LTF: variants seen among roughly 807,000 people sequenced by gnomAD.
The protein encoded by LTF is lactotransferrin.
LTF carries 91 observed loss-of-function variants against 87.2 expected under a neutral mutation model. The observed-to-expected ratio is 1.04, with a 90% CI of 0.88 to 1.24. The LOEUF (loss-of-function observed/expected upper bound fraction) is 1.24, where lower values mean the gene tolerates loss of function less well. Ranked by LOEUF, LTF falls within the 50% of genes most tolerant of loss-of-function variation. LTF has a pLI of 0.00. For synonymous variants in LTF, 378 were observed against 356.1 expected, an observed-to-expected ratio of 1.06 and a Z score of -0.69; for missense variants, 901 against 904.3, an observed-to-expected ratio of 1.00 and a Z score of 0.05.
At chr3:46,449,742 C>A in intron 8 of LTF, 112 bp downstream of exon 8, 2 of 1,149,806 alleles carry the variant, frequency 1.7e-6, no homozygotes, top group Non-Finnish European at 2.5e-6. Flanking sequence ...CAAACCTCCA[C>A]GATGACCCCA....
At position 46,454,299 on chromosome 3, in the gene LTF, T is replaced by A. The variant is rs749253226; in HGVS notation, c.703+6A>T. ...CAGTACCCACGGCTCATTACCCTGC[T>A]CTTACCAAACACTGTGCTCTCTCTG... is the stretch of plus-strand genomic sequence containing the variant. On this transcript the variant is annotated splice_donor_region_variant and intron_variant, in intron 6 of 16. Coordinates refer to ENST00000231751, the MANE Select transcript of LTF (RefSeq NM_002343.6). 5 of 1,613,896 alleles carry A rather than the reference T, an allele frequency of 3.1e-6. No individual in the cohort carries two copies. Among genetic ancestry groups the A allele is most frequent in the Middle Eastern group, 1.6e-4 (1 of 6,084 alleles).
At chr3:46,473,133 C>A (rs544716277) in intron 1 of LTF, among the ~76,000 whole-genome samples, 1 of 151,974 alleles carries the variant, frequency 6.6e-6, no homozygotes, top group Non-Finnish European at 1.5e-5. Context: ...CTCTCCTGAC[C>A]CTCATCTCCC....
chr3:46,454,682 C>T (rs1702882671), intron 5 of LTF, among the ~76,000 whole-genome samples: 1 of 152,242 alleles, frequency 6.6e-6, no homozygotes, highest in Admixed American at 6.5e-5. Context: ...CTGTTTTCCT[C>T]AGGACTGAGT....
intron 12 of LTF, 21 bp from the exon 13 acceptor site, chr3:46,443,603 G>A (rs1193886341): frequency 1.4e-5 from 23 of 1,613,416 alleles, no homozygotes; most frequent in Non-Finnish European, 1.8e-5. Context: ...GGAACACGGG[G>A]AGTCAGCTCT....
At chr3:46,483,728 T>C (rs1201376433) in intron 1 of LTF, among the ~76,000 whole-genome samples, 1 of 152,180 alleles carries the variant, frequency 6.6e-6, no homozygotes. Flanking sequence ...TTGTGATAAC[T>C]CATCTAGCTA....
intron 5 of LTF, 107 bp from the exon 6 acceptor site, chr3:46,454,467 A>C: frequency 2.0e-6 from 2 of 989,096 alleles, no homozygotes; most frequent in Non-Finnish European, 3.3e-6. Flanking sequence ...TACTCCCTGC[A>C]GGGCAGGGCT....
chr3:46,463,776 G>T (rs6441996), intron 1 of LTF: 8 of 323,792 alleles, frequency 2.5e-5, no homozygotes, highest in Non-Finnish European at 3.1e-5. Context: ...GAGCTTGAGG[G>T]GAAGAGAACA....
At chr3:46,454,798 G>A (rs557333127) in intron 5 of LTF, among the ~76,000 whole-genome samples, 1 of 152,150 alleles carries the variant, frequency 6.6e-6, no homozygotes, top group Non-Finnish European at 1.5e-5. Flanking sequence ...GCCTCCGCGT[G>A]GGGGCAGAGA....
At chr3:46,458,526 G>A (rs1285038706) in intron 2 of LTF, among the ~76,000 whole-genome samples, 1 of 152,204 alleles carries the variant, frequency 6.6e-6, no homozygotes, top group Admixed American at 6.5e-5. Context: ...ATAGAGCCTA[G>A]GAATCTGCAT....
chr3:46,449,982 G>A lies in LTF; in HGVS notation c.929C>T (p.Ser310Phe). The A allele has an allele frequency of 6.2e-7, 1 of 1,610,826 alleles. No homozygotes were observed. The highest frequency in any genetic ancestry group is 8.5e-7 in the Non-Finnish European group (1 of 1,178,612). ...DKSPKFQLFG[S>F]PSGQKDLLFK... ...CAGCAGATCTTTCTGCCCACTAGGG[G>A]AGCCAAAGAGCTGGAATTTCGGTGA... Residue 310 changes from serine to phenylalanine, a missense_variant, in exon 8 of 17, where the codon TCC becomes TTC. Ser to Phe is a radical substitution (Grantham distance 155). Transcript: ENST00000231751.
chr3:46,450,885 T>C (rs972885909), intron 6 of LTF, among the ~76,000 whole-genome samples: 17 of 152,092 alleles, frequency 1.1e-4, no homozygotes, highest in African/African-American at 4.1e-4. Flanking sequence ...GTGATCCTCA[T>C]CCTAAATCAC....
intron 5 of LTF, among the ~76,000 whole-genome samples, chr3:46,454,748 C>A (rs887542671): frequency 6.6e-6 from 1 of 152,108 alleles, no homozygotes; most frequent in African/African-American, 2.4e-5. Context: ...TGCAAAAATA[C>A]GCTAGTGCCA....
At chr3:46,464,996 C>T (rs1703180120), upstream of LTF, 1 of 883,394 alleles carries the variant, frequency 1.1e-6, no homozygotes, top group Admixed American at 2.5e-5. Context: ...CTCCCCGCGG[C>T]CAGGTCTACT....
chr3:46,477,892 T>A (rs1173977767), intron 1 of LTF, among the ~76,000 whole-genome samples: 2 of 152,188 alleles, frequency 1.3e-5, no homozygotes, highest in Non-Finnish European at 2.9e-5. Context: ...GCGGCTCCAG[T>A]TGAGTCACAA....
chr3:46,438,977 G>T (rs1239744734), intron 15 of LTF, among the ~76,000 whole-genome samples: 1 of 152,092 alleles, frequency 6.6e-6, no homozygotes, highest in African/African-American at 2.4e-5. Context: ...TGGGAGGAAG[G>T]CTCAGTGGCT....
chr3:46,461,101 G>A (rs544835874), intron 1 of LTF, among the ~76,000 whole-genome samples: 9 of 152,296 alleles, frequency 5.9e-5, no homozygotes, highest in Middle Eastern at 3.4e-3. Context: ...AAAATGCAAC[G>A]AAATATCATT....
At position 46,443,495 on chromosome 3, in the gene LTF, T is replaced by C; in HGVS notation, c.1601A>G (p.Asn534Ser). ...ALCIGDEQGE[N>S]KCVPNSNERY... ...CTCGTTGCTGTTGGGCACGCACTTATTCTCACCCTGCTCGTCGCCAATACA... is the reference window on the plus strand; with the variant it reads ...CTCGTTGCTGTTGGGCACGCACTTACTCTCACCCTGCTCGTCGCCAATACA... The change falls in exon 13 of 17, where the codon AAT (asparagine) becomes AGT (serine). Residue 534 changes from asparagine (N) to serine (S), a missense_variant. Asn to Ser is a conservative substitution (Grantham distance 46). Transcript: ENST00000231751. 6.2e-7 allele frequency: 1 copy of C among 1,614,210 alleles called. No individual in the cohort carries two copies. The highest frequency in any genetic ancestry group is 1.3e-5 in the African/African-American group (1 of 75,042).
In LTF at chr3:46,455,782, C is replaced by G; in HGVS notation, c.499+14G>C. The G allele has an allele frequency of 6.4e-7, 1 of 1,550,758 alleles. No individual in the cohort carries two copies. Among genetic ancestry groups the G allele is most frequent in the Non-Finnish European group, 8.7e-7 (1 of 1,148,824 alleles). On this transcript the variant is annotated intron_variant, in intron 4 of 16. Coordinates refer to ENST00000231751, the MANE Select transcript of LTF (RefSeq NM_002343.6). Reference sequence around the variant, plus strand: ...CCCTGCCTGAGGCCACTCACTATCCCCCAGCCATCTTACCTGCCTCAATGG... The same window carrying G: ...CCCTGCCTGAGGCCACTCACTATCCGCCAGCCATCTTACCTGCCTCAATGG...
intron 1 of LTF, among the ~76,000 whole-genome samples, chr3:46,479,824 G>A (rs34306326): frequency 0.2 from 30,208 of 152,176 alleles, 3,130 homozygotes; most frequent in East Asian, 0.3. Context: ...CACTGCGCCC[G>A]GCCAGAAGTG....
Sources: gnomAD v4.1 joint callset for allele counts (sites outside exome capture counted in the v4.1 genomes callset) on GRCh38, gnomAD v4.1.1 for gene constraint, MANE v1.5 for transcripts, NCBI Gene and HGNC (gene_info 2026-07-23, HGNC 2026-07-21) for gene names.